Variants in TLN2 observed in about 807,000 individuals in gnomAD.
TLN2 encodes the protein talin-2.
TLN2 carries 118 observed loss-of-function variants against 294.7 expected under a neutral mutation model. The ratio of observed to expected loss-of-function variants is 0.40; its 90% CI spans 0.34 to 0.47. TLN2 has a LOEUF of 0.47. Among genes scored for constraint, TLN2 ranks in the 20% least tolerant of loss-of-function variants. The probability of loss-of-function intolerance (pLI) is 0.84; values close to 1 mark genes in which losing one functional copy is unlikely to be tolerated. For missense variants in TLN2, 3,083 were observed against 3,282.2 expected (o/e 0.94, Z 1.48); for synonymous variants, 1,431 against 1,304.5 (o/e 1.10, Z -2.09).
intron 1 of TLN2, among the ~76,000 whole-genome samples, chr15:62,546,445 A>G (rs1184012641): frequency 2.0e-5 from 3 of 152,102 alleles, no homozygotes; most frequent in African/African-American, 7.2e-5. Flanking sequence ...TGCTGTGTTA[A>G]TTTTGGTATT....
chr15:62,796,393 C>G (rs1036067889), intron 47 of TLN2, 100 bp downstream of exon 47: 5 of 1,382,052 alleles, frequency 3.6e-6, no homozygotes, highest in African/African-American at 2.9e-5. Context: ...ATGTAGTTAT[C>G]TGTTTTGATT....
intron 1 of TLN2, among the ~76,000 whole-genome samples, chr15:62,453,950 C>T (rs1566984456): frequency 1.3e-5 from 2 of 152,160 alleles, no homozygotes. Context: ...ATCAGTTTTG[C>T]TGCTATTGTC....
chr15:62,633,447 C>G (rs909764326), intron 3 of TLN2, among the ~76,000 whole-genome samples: 1 of 152,100 alleles, frequency 6.6e-6, no homozygotes, highest in Non-Finnish European at 1.5e-5. Context: ...CAGGTGCACA[C>G]CACCATGCCC....
rs530250927 is a variant in TLN2 at position 62,791,476 on chromosome 15, A to G, written c.5737-1165A>G. On this transcript the variant is annotated intron_variant, in intron 45 of 58. Transcript: ENST00000636159. Reference sequence around the variant, plus strand: ...GGGCCTTTAAGGGGTTTAAAGGAAGAGAGTTTTTTCCCTAAAAACAGTGTT... The same window carrying G: ...GGGCCTTTAAGGGGTTTAAAGGAAGGGAGTTTTTTCCCTAAAAACAGTGTT... Among the ~76,000 whole-genome samples, 19 of 152,348 alleles carry G rather than the reference A, an allele frequency of 1.2e-4. No individual in the cohort carries two copies. The South Asian group carries it at 3.5e-3, about 28-fold the overall frequency.
intron 58 of TLN2, 73 bp downstream of exon 58, chr15:62,839,054 G>C (rs772171006): frequency 8.3e-5 from 128 of 1,547,360 alleles, no homozygotes; most frequent in Non-Finnish European, 3.4e-5. Context: ...CAAAAGAATA[G>C]TGACTTCAAG....
intron 1 of TLN2, among the ~76,000 whole-genome samples, chr15:62,435,461 T>C (rs1464747026): frequency 6.6e-6 from 1 of 152,238 alleles, no homozygotes; most frequent in African/African-American, 2.4e-5. Flanking sequence ...TCTTTTTCTC[T>C]TCACTTTTTG....
At chr15:62,527,757 C>T (rs1275704000) in intron 1 of TLN2, among the ~76,000 whole-genome samples, 1 of 152,202 alleles carries the variant, frequency 6.6e-6, no homozygotes, top group Non-Finnish European at 1.5e-5. Context: ...TATCCACTGC[C>T]AGCCTCTTTG....
At chr15:62,710,916 T>TG (rs1281872353) in intron 21 of TLN2, among the ~76,000 whole-genome samples, 1 of 151,694 alleles carries the variant, frequency 6.6e-6, no homozygotes, top group African/African-American at 2.4e-5. Flanking sequence ...TTAGTAGAGA[T>TG]GGGGTTTCAC....
chr15:62,582,446 C>G (rs1025702073), intron 1 of TLN2, among the ~76,000 whole-genome samples: 1 of 152,010 alleles, frequency 6.6e-6, no homozygotes, highest in African/African-American at 2.4e-5. Flanking sequence ...CAGTCTGTGG[C>G]GAAATACAGA....
intron 12 of TLN2, among the ~76,000 whole-genome samples, chr15:62,692,638 G>A (rs2141067245): frequency 6.6e-6 from 1 of 152,278 alleles, no homozygotes; most frequent in East Asian, 1.9e-4. Context: ...GAGCCCCCCA[G>A]CCAGTCTGTC....
At chr15:62,488,432 T>A (rs2038529041) in intron 1 of TLN2, among the ~76,000 whole-genome samples, 1 of 152,132 alleles carries the variant, frequency 6.6e-6, no homozygotes, top group South Asian at 2.1e-4. Flanking sequence ...TGAGAATTGT[T>A]GGTAAGACAA....
chr15:62,506,545 G>C (rs781771101), intron 1 of TLN2, among the ~76,000 whole-genome samples: 1 of 152,236 alleles, frequency 6.6e-6, no homozygotes, highest in Non-Finnish European at 1.5e-5. Flanking sequence ...CCTGCCAGGA[G>C]ATCCTTTAGT....
intron 1 of TLN2, among the ~76,000 whole-genome samples, chr15:62,405,480 C>T (rs748011695): frequency 7.9e-5 from 12 of 152,336 alleles, no homozygotes; most frequent in Admixed American, 1.3e-4. Context: ...TTCTAAGACC[C>T]TGTAGGGCTC....
chr15:62,545,376 TGAA>T (rs2041934472), intron 1 of TLN2, among the ~76,000 whole-genome samples: 1 of 152,188 alleles, frequency 6.6e-6, no homozygotes, highest in Non-Finnish European at 1.5e-5. Flanking sequence ...ATTTGTCTGT[TGAA>T]GAGGAAAGAG....
At chr15:62,615,902 A>G (rs547388425) in intron 2 of TLN2, among the ~76,000 whole-genome samples, 5 of 152,272 alleles carry the variant, frequency 3.3e-5, no homozygotes, top group Admixed American at 3.3e-4. Context: ...TCCTGCTAAG[A>G]TGATAGAGAA....
At chr15:62,769,198 TTTG>T (rs2063200533) in intron 41 of TLN2, among the ~76,000 whole-genome samples, 1 of 152,250 alleles carries the variant, frequency 6.6e-6, no homozygotes, top group Non-Finnish European at 1.5e-5. Context: ...CATTAAACAT[TTTG>T]ACTCCTCCTT....
At chr15:62,424,551 A>G (rs1408055070) in intron 1 of TLN2, among the ~76,000 whole-genome samples, 1 of 152,198 alleles carries the variant, frequency 6.6e-6, no homozygotes, top group Non-Finnish European at 1.5e-5. Flanking sequence ...CTGACTGCTC[A>G]TTAGGCTCAC....
At chr15:62,806,684 T>C (rs931124443) in intron 51 of TLN2, among the ~76,000 whole-genome samples, 6 of 152,146 alleles carry the variant, frequency 3.9e-5, no homozygotes, top group Non-Finnish European at 1.5e-5. Flanking sequence ...TTATTTTTGA[T>C]CTATTAGGAA....
At chr15:62,433,494 G>A (rs2035126145) in intron 1 of TLN2, among the ~76,000 whole-genome samples, 1 of 152,094 alleles carries the variant, frequency 6.6e-6, no homozygotes, top group African/African-American at 2.4e-5. Flanking sequence ...CTTGGTGTTA[G>A]CCAATCTCAG....
Sources: gnomAD v4.1 joint callset for allele counts (sites outside exome capture counted in the v4.1 genomes callset) on GRCh38, gnomAD v4.1.1 for gene constraint, MANE v1.5 for transcripts, NCBI Gene and HGNC (gene_info 2026-07-23, HGNC 2026-07-21) for gene names.